Variants in CREG2 observed in about 807,000 individuals in gnomAD.
CREG2 encodes protein CREG2.
In CREG2, 24 loss-of-function variants were observed where a neutral mutation model predicts 26.2. The observed-to-expected ratio is 0.92, with a 90% CI of 0.66 to 1.29. CREG2 has a LOEUF of 1.29. Ranked by LOEUF, CREG2 falls within the 50% of genes most tolerant of loss-of-function variation. CREG2 has a pLI of 0.00. For missense variants in CREG2, 366 were observed against 398.6 expected (o/e 0.92, Z 0.70); for synonymous variants, 174 against 169.2 (o/e 1.03, Z -0.22).
chr2:101,372,939 A>G (rs1194662186), intron 2 of CREG2, among the ~76,000 whole-genome samples: 1 of 152,226 alleles, frequency 6.6e-6, no homozygotes, highest in Non-Finnish European at 1.5e-5. Flanking sequence ...CCACATCAAG[A>G]TATTACTTCA....
chr2:101,381,861 C>A (rs1185019553), intron 2 of CREG2, among the ~76,000 whole-genome samples: 1 of 152,210 alleles, frequency 6.6e-6, no homozygotes, highest in African/African-American at 2.4e-5. Context: ...ATACGTGGCT[C>A]TAGGCTGTGC....
intron 2 of CREG2, among the ~76,000 whole-genome samples, chr2:101,358,278 C>T (rs1684491561): frequency 6.6e-6 from 1 of 152,168 alleles, no homozygotes; most frequent in Admixed American, 6.5e-5. Context: ...AGGCGTGAGC[C>T]ACCGTGCCCA....
chr2:101,369,214 T>G (rs915762222), intron 2 of CREG2, among the ~76,000 whole-genome samples: 10 of 152,060 alleles, frequency 6.6e-5, no homozygotes, highest in Admixed American at 6.5e-5. Flanking sequence ...TGGGAGAATT[T>G]AGAATACAGT....
At chr2:101,368,021 G>A (rs1024291104) in intron 2 of CREG2, among the ~76,000 whole-genome samples, 12 of 152,206 alleles carry the variant, frequency 7.9e-5, no homozygotes, top group African/African-American at 2.9e-4. Context: ...GGGCACGGTG[G>A]CTCAGGCCTA....
chr2:101,351,044 C>G lies in CREG2; in HGVS notation c.752G>C (p.Arg251Pro). The G allele has an allele frequency of 6.2e-7, 1 of 1,614,116 alleles. No individual in the cohort carries two copies. The highest frequency in any genetic ancestry group is 8.5e-7 in the Non-Finnish European group (1 of 1,179,994). ...SRHPGMRKWP[R>P]QYEWFFMKMR... ...CTTCATAAAGAACCATTCATATTGA[C>G]GAGGCCACTTCCTCATCCCTGGGTG... is the stretch of plus-strand genomic sequence containing the variant. The change falls in exon 4 of 4, where the codon CGT becomes CCT. Residue 251 changes from arginine (R) to proline (P), a missense_variant. Around this residue, in one of 3 missense-constraint regions of CREG2, gnomAD observed 174 missense variants for 178.2 expected, o/e 0.98. Coordinates refer to ENST00000324768, the MANE Select transcript of CREG2 (RefSeq NM_153836.4).
At chr2:101,385,602 T>C (rs983995398) in intron 1 of CREG2, among the ~76,000 whole-genome samples, 2 of 152,238 alleles carry the variant, frequency 1.3e-5, no homozygotes, top group African/African-American at 4.8e-5. Context: ...AGGGGTTGTC[T>C]TTGTCCTTGA....
intron 2 of CREG2, among the ~76,000 whole-genome samples, chr2:101,369,290 T>G (rs1684667314): frequency 6.6e-6 from 1 of 151,320 alleles, no homozygotes; most frequent in Admixed American, 6.6e-5. Context: ...GCCTGGGAGG[T>G]AGAGCAGGTG....
chr2:101,352,332 A>G lies in CREG2; in HGVS notation c.726-1262T>C, dbSNP rs576002799. Among the ~76,000 whole-genome samples the G allele has an allele frequency of 8.9e-4, 135 of 152,366 alleles. 1 individual carries two copies. Among genetic ancestry groups the G allele is most frequent in the African/African-American group, 3.1e-3 (127 of 41,582 alleles). On this transcript the variant is annotated intron_variant, in intron 3 of 3. Transcript: ENST00000324768. ...ATAACACCCCAAATATTATGCAGCC[A>G]AGATAATAACATGATTGTTGTTTTA... is the stretch of plus-strand genomic sequence containing the variant.
chr2:101,373,471 C>A (rs1247496729), intron 2 of CREG2, among the ~76,000 whole-genome samples: 11 of 152,146 alleles, frequency 7.2e-5, no homozygotes, highest in Admixed American at 7.2e-4. Context: ...ACCCTTATGT[C>A]CATCTTAACA....
In CREG2 at chr2:101,348,548, T is replaced by C. The variant is rs1179612326; in HGVS notation, c.*2375A>G. ...CGGAAGTATTTCACTTTGGAGTGAT[T>C]GCAAATGGTATTGTGTTTTTAGTTT... is the stretch of plus-strand genomic sequence containing the variant. On this transcript the variant is annotated 3_prime_UTR_variant, in exon 4 of 4. Transcript: ENST00000324768. 1 of 152,196 alleles carries C rather than the reference T, an allele frequency of 6.6e-6. No individual in the cohort carries two copies. The highest frequency in any genetic ancestry group is 1.5e-5 in the Non-Finnish European group (1 of 68,030). 9.4% of individuals were successfully genotyped at this position (152,196 alleles called of 1,614,324 possible).
intron 2 of CREG2, among the ~76,000 whole-genome samples, chr2:101,362,155 G>GA (rs949056904): frequency 3.3e-5 from 5 of 152,174 alleles, no homozygotes; most frequent in Non-Finnish European, 5.9e-5. Flanking sequence ...TTCCAGAGTG[G>GA]AAATCCCCCT....
rs1684328019 is a variant in CREG2 at position 101,347,883 on chromosome 2, A to C, written c.*3040T>G. ...TTGTGCTTTTGGTATCAAGTCTAAC[A>C]ACCCTTTGCTTAGCCCTAGTTCCAA... is the stretch of plus-strand genomic sequence containing the variant. On this transcript the variant is annotated 3_prime_UTR_variant, in exon 4 of 4. Transcript: ENST00000324768. 6.6e-6 allele frequency: 1 copy of C among 152,204 alleles called. No homozygotes were observed. Among genetic ancestry groups the C allele is most frequent in the Non-Finnish European group, 1.5e-5 (1 of 68,030 alleles). 9.4% of individuals were successfully genotyped at this position (152,204 alleles called of 1,614,324 possible).
chr2:101,347,160 T>A lies in CREG2; in HGVS notation c.*3763A>T, dbSNP rs1428444157. The A allele has an allele frequency of 6.7e-6, 1 of 148,374 alleles. No homozygotes were observed. Among genetic ancestry groups the A allele is most frequent in the Non-Finnish European group, 1.5e-5 (1 of 68,022 alleles). 9.2% of individuals were successfully genotyped at this position (148,374 alleles called of 1,614,324 possible). A position where few individuals can be genotyped will look rare whatever the true frequency, so the allele number is the denominator to read the frequency against. On this transcript the variant is annotated 3_prime_UTR_variant, in exon 4 of 4. Coordinates refer to ENST00000324768, the MANE Select transcript of CREG2 (RefSeq NM_153836.4). ...GGTTGCCCATGTCAGTAATTAGTTCTTTTTTATCGCTGAGTAGTATTCCGG... is the reference window on the plus strand; with the variant it reads ...GGTTGCCCATGTCAGTAATTAGTTCATTTTTATCGCTGAGTAGTATTCCGG...
chr2:101,381,631 AG>A (rs1684875957), intron 2 of CREG2, among the ~76,000 whole-genome samples: 1 of 152,234 alleles, frequency 6.6e-6, no homozygotes. Flanking sequence ...GGGGTATAGC[AG>A]TTCTGAGAAA....
rs1292864961 is a variant in CREG2, at chr2:101,359,050, AAAAAAAAAAAAAAAAAAAAAAAG to A, written c.612-3707_612-3685del. Among the ~76,000 whole-genome samples, 8 of 126,788 alleles carry A rather than the reference AAAAAAAAAAAAAAAAAAAAAAAG, an allele frequency of 6.3e-5. 3 individuals carry two copies. Among genetic ancestry groups the A allele is most frequent in the African/African-American group, 2.0e-4 (7 of 35,096 alleles). The allele number at this position is 126,788 out of a possible 152,430, so 83.2% of individuals were successfully genotyped here. A position where few individuals can be genotyped will look rare whatever the true frequency, so the allele number is the denominator to read the frequency against. On this transcript the variant is annotated intron_variant, in intron 2 of 3. Coordinates refer to ENST00000324768, the MANE Select transcript of CREG2 (RefSeq NM_153836.4). ...ACTCCGTCTCAAAAAAAAAAAAAAAAAAAAAAAAAAAAAAAAAAAAAAGAGAGAACTGAGGCAAGTTTTAGAGC... is the reference window on the plus strand; with the variant it reads ...ACTCCGTCTCAAAAAAAAAAAAAAAAAGAGAACTGAGGCAAGTTTTAGAGC...
At chr2:101,376,827 T>A (rs1684799289) in intron 2 of CREG2, among the ~76,000 whole-genome samples, 1 of 152,200 alleles carries the variant, frequency 6.6e-6, no homozygotes, top group Non-Finnish European at 1.5e-5. Context: ...ATACTGTTAA[T>A]TCATGAAGAA....
At chr2:101,360,778 G>C (rs569959148) in intron 2 of CREG2, among the ~76,000 whole-genome samples, 1 of 151,976 alleles carries the variant, frequency 6.6e-6, no homozygotes, top group South Asian at 2.1e-4. Context: ...ATCTGTGGTA[G>C]TTTTGATACT....
intron 2 of CREG2, among the ~76,000 whole-genome samples, chr2:101,369,746 A>G (rs1178360732): frequency 6.6e-6 from 1 of 152,078 alleles, no homozygotes; most frequent in Non-Finnish European, 1.5e-5. Flanking sequence ...GGTGTTTAGC[A>G]TGGCTCGTTA....
chr2:101,371,455 G>T (rs1684705610), intron 2 of CREG2, among the ~76,000 whole-genome samples: 1 of 152,158 alleles, frequency 6.6e-6, no homozygotes, highest in Admixed American at 6.5e-5. Flanking sequence ...GCCAGGATTG[G>T]AACTGTCTGT....
Sources: allele counts gnomAD v4.1 joint callset (sites outside exome capture counted in the v4.1 genomes callset), GRCh38; gene constraint gnomAD v4.1.1; regional missense constraint gnomAD v4.1.1; transcripts MANE v1.5; gene names NCBI Gene and HGNC (gene_info 2026-07-23, HGNC 2026-07-21).